Variants in ABCB4 observed in about 807,000 individuals in gnomAD.
The protein encoded by ABCB4 is phosphatidylcholine translocator ABCB4.
In ABCB4, 76 loss-of-function variants were observed where a neutral mutation model predicts 145.7. That is an observed-to-expected ratio of 0.52 (90% confidence interval 0.43 to 0.63). The LOEUF is 0.63. Among genes scored for constraint, ABCB4 ranks in the 30% least tolerant of loss-of-function variants. The pLI, the probability that ABCB4 is intolerant of heterozygous loss-of-function variation, is 0.00. For synonymous variants in ABCB4, 517 were observed against 566.8 expected, an observed-to-expected ratio of 0.91 and a Z score of 1.25; for missense variants, 1,234 against 1,553.1, an observed-to-expected ratio of 0.79 and a Z score of 3.45.
rs1811650661 is a variant in ABCB4 at position 87,450,563 on chromosome 7, C to T, written c.709-471G>A. Among the ~76,000 whole-genome samples the T allele has an allele frequency of 4.6e-5, 7 of 151,084 alleles. 1 individual carries two copies. In the South Asian group the frequency reaches 1.5e-3, roughly 32 times the overall value. Reference sequence around the variant, plus strand: ...TCGGCTCACTGTAACCTCTGCCTCCCAGTTTCAAGTGATTCTTCTGCCTCA... The same window carrying T: ...TCGGCTCACTGTAACCTCTGCCTCCTAGTTTCAAGTGATTCTTCTGCCTCA... On this transcript the variant is annotated intron_variant, in intron 7 of 27. Coordinates refer to ENST00000649586, the MANE Select transcript of ABCB4 (RefSeq NM_000443.4).
At chr7:87,376,485 T>A in the ABCB4 span, among the ~76,000 whole-genome samples, 1 of 152,088 alleles carries the variant, frequency 6.6e-6, no homozygotes, top group Non-Finnish European at 1.5e-5. Flanking sequence ...AGGGTGACAT[T>A]TGTGTCCCAG....
intron 3 of ABCB4, among the ~76,000 whole-genome samples, chr7:87,468,331 C>G (rs1459227771): frequency 6.6e-6 from 1 of 152,130 alleles, no homozygotes; most frequent in African/African-American, 2.4e-5. Context: ...ATACACCCTC[C>G]CAAGACTAAA....
chr7:87,470,728 G>T (rs1466049936), intron 3 of ABCB4, among the ~76,000 whole-genome samples: 1 of 152,186 alleles, frequency 6.6e-6, no homozygotes, highest in Non-Finnish European at 1.5e-5. Context: ...ACAGGTGCTG[G>T]AGAGGATGTG....
intron 18 of ABCB4, among the ~76,000 whole-genome samples, 180 bp downstream of exon 18, chr7:87,421,939 TAA>T (rs935450258): frequency 1.3e-5 from 2 of 152,258 alleles, no homozygotes; most frequent in East Asian, 3.9e-4. Context: ...TAATGTAATA[TAA>T]GTTAGGACAC....
intron 15 of ABCB4, among the ~76,000 whole-genome samples, chr7:87,430,288 A>G (rs1254062822): frequency 6.6e-6 from 1 of 152,234 alleles, no homozygotes; most frequent in Non-Finnish European, 1.5e-5. Context: ...TGGATGACGT[A>G]TATCTGAAAT....
chr7:87,376,061 C>T, the ABCB4 span: 2 of 1,078,486 alleles, frequency 1.9e-6, no homozygotes, highest in Non-Finnish European at 2.6e-6. Context: ...GCTCTTGAAA[C>T]TTTTTCTTAG....
At position 87,439,172 on chromosome 7, in the gene ABCB4, C is replaced by T. The variant is rs45449000; in HGVS notation, c.1731+495G>A. Among the ~76,000 whole-genome samples the T allele has an allele frequency of 2.5e-3, 375 of 152,186 alleles. 2 individuals are homozygous for T. Among genetic ancestry groups the T allele is most frequent in the African/African-American group, 8.4e-3 (350 of 41,504 alleles). On this transcript the variant is annotated intron_variant, in intron 14 of 27. Coordinates refer to ENST00000649586, the MANE Select transcript of ABCB4 (RefSeq NM_000443.4). ...ATCTGAGCTGGACAGATGAACTCAGCACCCTTAAAATGAATTGTTTATTTA... is the reference window on the plus strand; with the variant it reads ...ATCTGAGCTGGACAGATGAACTCAGTACCCTTAAAATGAATTGTTTATTTA...
chr7:87,411,541 C>A (rs1390681086), intron 23 of ABCB4, among the ~76,000 whole-genome samples: 1 of 152,128 alleles, frequency 6.6e-6, no homozygotes, highest in Non-Finnish European at 1.5e-5. Flanking sequence ...TAATAGTAAG[C>A]TATATAACCC....
intron 4 of ABCB4, among the ~76,000 whole-genome samples, chr7:87,460,481 T>C (rs1562996134): frequency 6.6e-6 from 1 of 152,096 alleles, no homozygotes; most frequent in Non-Finnish European, 1.5e-5. Context: ...ATTGTTCTCA[T>C]CTTTATGTCA....
At chr7:87,465,738 T>G (rs1313863258) in intron 3 of ABCB4, among the ~76,000 whole-genome samples, 1 of 152,146 alleles carries the variant, frequency 6.6e-6, no homozygotes, top group Admixed American at 6.5e-5. Context: ...CATTCGCTGT[T>G]CATCAATATT....
intron 17 of ABCB4, 114 bp from the exon 18 acceptor site, chr7:87,422,339 G>A (rs1279200893): frequency 1.2e-6 from 1 of 826,546 alleles, no homozygotes; most frequent in Non-Finnish European, 2.0e-6. Flanking sequence ...CAAATATGTA[G>A]GGTTTTGGTA....
intron 26 of ABCB4, 25 bp from the exon 27 acceptor site, chr7:87,403,306 A>G: frequency 6.2e-7 from 1 of 1,601,384 alleles, no homozygotes; most frequent in Non-Finnish European, 8.6e-7. Flanking sequence ...AATTATAAAT[A>G]TGTTGAATGA....
chr7:87,378,423 A>C, the ABCB4 span, among the ~76,000 whole-genome samples: 1 of 152,010 alleles, frequency 6.6e-6, no homozygotes, highest in Non-Finnish European at 1.5e-5. Context: ...AAATCAAACT[A>C]GCGTTAGCGT....
intron 5 of ABCB4, among the ~76,000 whole-genome samples, chr7:87,453,565 A>G (rs1030649357): frequency 2.0e-5 from 3 of 152,076 alleles, no homozygotes; most frequent in Non-Finnish European, 4.4e-5. Flanking sequence ...CAAAAACTGT[A>G]TAGGACATTA....
intron 19 of ABCB4, among the ~76,000 whole-genome samples, chr7:87,419,245 T>C (rs1264933215): frequency 6.6e-6 from 1 of 152,218 alleles, no homozygotes; most frequent in African/African-American, 2.4e-5. Context: ...GAAATAGGAT[T>C]TGTAGACAGA....
chr7:87,414,631 A>G (rs1357658732), intron 21 of ABCB4, among the ~76,000 whole-genome samples: 1 of 152,192 alleles, frequency 6.6e-6, no homozygotes, highest in South Asian at 2.1e-4. Flanking sequence ...CCAACAGCAC[A>G]TGGAGCATAA....
At chr7:87,455,115 T>C (rs1812026498) in intron 4 of ABCB4, among the ~76,000 whole-genome samples, 2 of 152,086 alleles carry the variant, frequency 1.3e-5, no homozygotes, top group Non-Finnish European at 2.9e-5. Flanking sequence ...CTAAGTTACA[T>C]CCATCGCAAA....
At position 87,413,647 on chromosome 7, in the gene ABCB4, A is replaced by T; in HGVS notation, c.2753T>A (p.Met918Lys). 1.2e-6 allele frequency: 2 copies of T among 1,611,808 alleles called. No individual in the cohort carries two copies. The highest frequency in any genetic ancestry group is 2.2e-5 in the South Asian group (2 of 90,988). Residue 918 changes from methionine to lysine, a missense_variant, in exon 22 of 28, where the codon ATG (methionine) becomes AAG (lysine). This residue lies in a region of ABCB4 where 301 missense variants were observed against 389.0 expected (regional missense o/e 0.77). Coordinates refer to ENST00000649586, the MANE Select transcript of ABCB4 (RefSeq NM_000443.4). ...SLTQERKFES[M>K]YVEKLYGPYR... Reference sequence around the variant, plus strand: ...AGGTCCATACAATTTTTCAACATACATTGATTCAAATTTTCTTTCCTGGGT... The same window carrying T: ...AGGTCCATACAATTTTTCAACATACTTTGATTCAAATTTTCTTTCCTGGGT...
chr7:87,474,972 C>T (rs1244808050), intron 2 of ABCB4, among the ~76,000 whole-genome samples: 1 of 152,204 alleles, frequency 6.6e-6, no homozygotes, highest in Non-Finnish European at 1.5e-5. Context: ...TTTTGCTTCA[C>T]TGCCCTTGTT....
Sources: gnomAD v4.1 joint callset for allele counts (sites outside exome capture counted in the v4.1 genomes callset) on GRCh38, gnomAD v4.1.1 for gene constraint, gnomAD v4.1.1 regional missense constraint, MANE v1.5 for transcripts, NCBI Gene and HGNC (gene_info 2026-07-23, HGNC 2026-07-21) for gene names.